The following VPS50 variants were observed in gnomAD, a reference collection of about 807,000 sequenced individuals.
VPS50 encodes the protein syndetin.
In VPS50, 70 loss-of-function variants were observed where a neutral mutation model predicts 139.7. The ratio of observed to expected loss-of-function variants is 0.50; its 90% CI spans 0.41 to 0.61. VPS50 has a LOEUF of 0.61. Among genes scored for constraint, VPS50 ranks in the 20% least tolerant of loss-of-function variants. The pLI, the probability that VPS50 is intolerant of heterozygous loss-of-function variation, is 0.00. For missense variants in VPS50, 921 were observed against 1,133.7 expected (o/e 0.81, Z 2.69); for synonymous variants, 365 against 376.7 (o/e 0.97, Z 0.36).
chr7:93,279,593 C>A lies in VPS50; in HGVS notation c.942+3288C>A, dbSNP rs186256671. Among the ~76,000 whole-genome samples the A allele has an allele frequency of 4.1e-3, 626 of 152,114 alleles. 4 individuals are homozygous for A. Among genetic ancestry groups the A allele is most frequent in the African/African-American group, 0.013 (546 of 41,492 alleles). The stretch of plus-strand genomic sequence containing the variant: ...ATTAAAAATAACTGATAATAATTAT[C>A]GAAGATATACTTGTGTGAGAGCAAA... On this transcript the variant is annotated intron_variant, in intron 12 of 27. Transcript: ENST00000305866.
Position 93,358,486 on chromosome 7 carries a change from T to C in VPS50, c.*50T>C, listed in dbSNP as rs1440323164. On this transcript the variant is annotated 3_prime_UTR_variant, in exon 28 of 28. Coordinates refer to ENST00000305866, the MANE Select transcript of VPS50 (RefSeq NM_017667.4). ...GGCATTGATCCTCACTCAACATATA[T>C]GACCTGAAAGCCAGTTTTTTTATGC... 9 of 1,547,758 alleles carry C rather than the reference T, an allele frequency of 5.8e-6. No homozygotes were observed. The highest frequency in any genetic ancestry group is 4.7e-5 in the South Asian group (4 of 85,806).
chr7:93,300,395 A>G (rs2116960600), intron 16 of VPS50, among the ~76,000 whole-genome samples: 1 of 152,286 alleles, frequency 6.6e-6, no homozygotes, highest in South Asian at 2.1e-4. Flanking sequence ...AGGACATTAT[A>G]AAAGGAAAAT....
chr7:93,235,750 T>C (rs967229349), intron 1 of VPS50, among the ~76,000 whole-genome samples: 2 of 152,202 alleles, frequency 1.3e-5, no homozygotes, highest in Non-Finnish European at 2.9e-5. Context: ...TTGGACTTGT[T>C]AATTTGAAAG....
rs1209182515 is a variant in VPS50 at position 93,315,047 on chromosome 7, T to C, written c.1855+3775T>C. Among the ~76,000 whole-genome samples, 14 of 152,280 alleles carry C rather than the reference T, an allele frequency of 9.2e-5. No homozygotes were observed. The South Asian group carries it at 1.5e-3, about 16-fold the overall frequency. ...AAACGACTCAGTTTCTCCTGTTTTC[T>C]TCTGGAAACATTAGTGTTAGTACAA... is the stretch of plus-strand genomic sequence containing the variant. On this transcript the variant is annotated intron_variant, in intron 20 of 27. Transcript: ENST00000305866.
intron 3 of VPS50, among the ~76,000 whole-genome samples, chr7:93,253,339 T>G (rs1795390761): frequency 6.6e-6 from 1 of 152,210 alleles, no homozygotes; most frequent in Non-Finnish European, 1.5e-5. Flanking sequence ...GGTATGCATT[T>G]TTTGGTTAGT....
chr7:93,247,705 T>C (rs1795198341), intron 2 of VPS50, among the ~76,000 whole-genome samples: 1 of 152,058 alleles, frequency 6.6e-6, no homozygotes, highest in African/African-American at 2.4e-5. Context: ...TTTTCGTTCC[T>C]GTATGACCTA....
chr7:93,282,901 G>A (rs910749114), intron 12 of VPS50, among the ~76,000 whole-genome samples: 1 of 152,172 alleles, frequency 6.6e-6, no homozygotes, highest in South Asian at 2.1e-4. Flanking sequence ...TCACATATAT[G>A]GAGTGCCTAG....
At chr7:93,287,373 C>A (rs1232473223) in intron 12 of VPS50, among the ~76,000 whole-genome samples, 1 of 150,984 alleles carries the variant, frequency 6.6e-6, no homozygotes, top group Non-Finnish European at 1.5e-5. Context: ...CTCATCCAAA[C>A]CCATTAAATT....
At chr7:93,239,678 C>A (rs1351204909) in intron 1 of VPS50, among the ~76,000 whole-genome samples, 188 bp from the exon 2 acceptor site, 3 of 152,046 alleles carry the variant, frequency 2.0e-5, no homozygotes, top group Non-Finnish European at 4.4e-5. Context: ...CAAAAGTACA[C>A]CCTTCTCTGA....
At chr7:93,325,332 A>C (rs968717287) in intron 21 of VPS50, among the ~76,000 whole-genome samples, 6 of 152,182 alleles carry the variant, frequency 3.9e-5, no homozygotes, top group African/African-American at 9.7e-5. Context: ...TGTTAGACCT[A>C]AAACCATAAA....
chr7:93,312,381 C>T (rs1019646333), intron 20 of VPS50, among the ~76,000 whole-genome samples: 6 of 152,070 alleles, frequency 3.9e-5, no homozygotes, highest in African/African-American at 1.2e-4. Context: ...GCCATGAAGT[C>T]GGTTGTCTTT....
intron 16 of VPS50, among the ~76,000 whole-genome samples, chr7:93,302,319 C>T (rs1797000763): frequency 6.6e-6 from 1 of 151,190 alleles, no homozygotes; most frequent in Non-Finnish European, 1.5e-5. Context: ...GACTATCTCA[C>T]ATCTCTCTTA....
At chr7:93,304,102 C>T (rs995165445) in intron 17 of VPS50, among the ~76,000 whole-genome samples, 1 of 151,792 alleles carries the variant, frequency 6.6e-6, no homozygotes. Flanking sequence ...AATAAGCAGT[C>T]TTTGAAAAAG....
At chr7:93,234,798 A>C (rs1794748029) in intron 1 of VPS50, among the ~76,000 whole-genome samples, 1 of 152,198 alleles carries the variant, frequency 6.6e-6, no homozygotes, top group African/African-American at 2.4e-5. Context: ...TTTGCAAAAT[A>C]ATGGGAGGAA....
chr7:93,336,075 T>G (rs1798063027), intron 22 of VPS50, among the ~76,000 whole-genome samples: 3 of 152,218 alleles, frequency 2.0e-5, no homozygotes, highest in Non-Finnish European at 4.4e-5. Context: ...GCAGAGTACA[T>G]TAATTGATTT....
intron 1 of VPS50, among the ~76,000 whole-genome samples, chr7:93,237,115 T>C (rs1053992598): frequency 6.7e-6 from 1 of 148,394 alleles, no homozygotes. Context: ...CACGCCCGGC[T>C]AATTTTTTTT....
At chr7:93,351,363 CT>C (rs559578639) in intron 25 of VPS50, among the ~76,000 whole-genome samples, 18 of 148,504 alleles carry the variant, frequency 1.2e-4, no homozygotes, top group Non-Finnish European at 1.5e-4. Flanking sequence ...GATACCCCTT[CT>C]TTTTTTTTTA....
At chr7:93,347,251 A>G (rs1798423594) in intron 23 of VPS50, among the ~76,000 whole-genome samples, 1 of 142,424 alleles carries the variant, frequency 7.0e-6, no homozygotes, top group East Asian at 2.6e-4. Context: ...GCCATCAGAG[A>G]AATGCAAATC....
rs1339464637 is a variant in VPS50 at position 93,359,897 on chromosome 7, A to G, written c.*1461A>G. On this transcript the variant is annotated 3_prime_UTR_variant, in exon 28 of 28. Transcript: ENST00000305866. ...CTGAGTGTTTTCTTTTCATCCTCTC[A>G]TGTCGGAGTTCATTTACTGTCAATT... The G allele has an allele frequency of 1.3e-5, 2 of 152,062 alleles. No individual in the cohort carries two copies. Among genetic ancestry groups the G allele is most frequent in the African/African-American group, 2.4e-5 (1 of 41,410 alleles). 9.4% of individuals were successfully genotyped at this position (152,062 alleles called of 1,614,324 possible).
Sources: gnomAD v4.1 joint callset for allele counts (sites outside exome capture counted in the v4.1 genomes callset) on GRCh38, gnomAD v4.1.1 for gene constraint, MANE v1.5 for transcripts, NCBI Gene and HGNC (gene_info 2026-07-23, HGNC 2026-07-21) for gene names.